PLCG2: variants seen among roughly 807,000 people sequenced by gnomAD.
The protein encoded by PLCG2 is 1-phosphatidylinositol 4,5-bisphosphate phosphodiesterase gamma-2.
A neutral mutation model predicts 175.6 loss-of-function variants in PLCG2; 69 were observed. That is an observed-to-expected ratio of 0.39 (90% CI 0.32 to 0.48). PLCG2 has a LOEUF of 0.48. Ranked by LOEUF, PLCG2 falls within the 20% of genes least tolerant of loss-of-function variation. PLCG2 has a pLI of 0.91. For synonymous variants in PLCG2, 827 were observed against 624.0 expected (o/e 1.33, Z -4.85); for missense variants, 1,798 against 1,650.9 (o/e 1.09, Z -1.54).
intron 6 of PLCG2, among the ~76,000 whole-genome samples, chr16:81,869,930 C>G (rs373231841): frequency 5.9e-5 from 9 of 152,302 alleles, no homozygotes; most frequent in African/African-American, 2.2e-4. Context: ...AGGAAATGAG[C>G]AACCCTGCAT....
chr16:81,816,651 A>ACCT (rs1555509092), intron 2 of PLCG2, among the ~76,000 whole-genome samples: 1 of 108,856 alleles, frequency 9.2e-6, no homozygotes. Flanking sequence ...GCTAATTTTA[A>ACCT]TTTTTTTTTT....
intron 2 of PLCG2, among the ~76,000 whole-genome samples, chr16:81,809,793 T>A (rs1309676291): frequency 7.9e-6 from 1 of 126,752 alleles, no homozygotes; most frequent in Non-Finnish European, 1.6e-5. Flanking sequence ...GTCCCAGTTA[T>A]TGCTGCCCTC....
At chr16:81,952,034 G>A (rs1181617831) in intron 31 of PLCG2, among the ~76,000 whole-genome samples, 1 of 152,100 alleles carries the variant, frequency 6.6e-6, no homozygotes, top group Non-Finnish European at 1.5e-5. Flanking sequence ...CAGAAATGTG[G>A]TGTGGGAGGA....
At chr16:81,912,896 G>A (rs1438126045) in intron 19 of PLCG2, among the ~76,000 whole-genome samples, 180 bp downstream of exon 19, 1 of 152,266 alleles carries the variant, frequency 6.6e-6, no homozygotes. Flanking sequence ...TGCGTGCCAG[G>A]CACAGTCTGC....
chr16:81,879,818 T>A (rs1404808506), intron 7 of PLCG2, among the ~76,000 whole-genome samples: 1 of 152,096 alleles, frequency 6.6e-6, no homozygotes, highest in Non-Finnish European at 1.5e-5. Flanking sequence ...GGAGGGGTGC[T>A]CCATGGCGCC....
intron 2 of PLCG2, among the ~76,000 whole-genome samples, chr16:81,804,735 TTCCTAACTG>T (rs1911913405): frequency 6.6e-6 from 1 of 152,212 alleles, no homozygotes; most frequent in African/African-American, 2.4e-5. Context: ...GAAATGCTTC[TTCCTAACTG>T]TCCACTTTGA....
chr16:81,955,717 G>A (rs557115730), intron 31 of PLCG2, among the ~76,000 whole-genome samples: 87 of 152,286 alleles, frequency 5.7e-4, no homozygotes, highest in African/African-American at 2.0e-3. Flanking sequence ...CCCAAGAAAA[G>A]AAACTCTACC....
chr16:81,882,455 T>A (rs988669781), intron 8 of PLCG2, among the ~76,000 whole-genome samples: 1 of 152,084 alleles, frequency 6.6e-6, no homozygotes, highest in Non-Finnish European at 1.5e-5. Flanking sequence ...GAACTCTGGA[T>A]CGTGGCTTCT....
chr16:81,804,914 A>G (rs1911922661), intron 2 of PLCG2, among the ~76,000 whole-genome samples: 1 of 152,198 alleles, frequency 6.6e-6, no homozygotes. Flanking sequence ...GGGCACTACA[A>G]GCTCACATGT....
At chr16:81,827,415 C>A (rs151157588) in intron 2 of PLCG2, among the ~76,000 whole-genome samples, 3 of 152,000 alleles carry the variant, frequency 2.0e-5, no homozygotes, top group Non-Finnish European at 4.4e-5. Flanking sequence ...TCTCGAACTC[C>A]TAGGCTCAAG....
At chr16:81,752,694 A>G (rs1228008389) in intron 1 of PLCG2, among the ~76,000 whole-genome samples, 2 of 152,168 alleles carry the variant, frequency 1.3e-5, no homozygotes, top group South Asian at 4.1e-4. Context: ...GCTTCCAGCA[A>G]CTTCCATGAA....
At chr16:81,881,014 A>T (rs41305761) in intron 8 of PLCG2, 61 bp downstream of exon 8, 24 of 1,544,748 alleles carry the variant, frequency 1.6e-5, no homozygotes, top group Non-Finnish European at 2.1e-5. Flanking sequence ...CCTGGTGCCC[A>T]GCCGGCCTCC....
At chr16:81,777,512 C>G (rs1475080488), upstream of PLCG2, among the ~76,000 whole-genome samples, 7 of 151,176 alleles carry the variant, frequency 4.6e-5, no homozygotes, top group Admixed American at 4.6e-4. Flanking sequence ...GGAATTGGCC[C>G]AATGACTTCA....
At chr16:81,934,606 AG>A (rs1597142410) in intron 26 of PLCG2, 75 bp downstream of exon 26, 1 of 900,186 alleles carries the variant, frequency 1.1e-6, no homozygotes, top group Non-Finnish European at 1.8e-6. Context: ...ATATTTTCAG[AG>A]GGGGCAGAGA....
intron 1 of PLCG2, among the ~76,000 whole-genome samples, chr16:81,752,972 C>T (rs1193695810): frequency 6.6e-6 from 1 of 152,254 alleles, no homozygotes; most frequent in African/African-American, 2.4e-5. Flanking sequence ...GGAGACCAAC[C>T]ACGGTACTTC....
chr16:81,774,690 G>A (rs769706847), upstream of PLCG2, among the ~76,000 whole-genome samples: 1 of 152,240 alleles, frequency 6.6e-6, no homozygotes, highest in African/African-American at 2.4e-5. Flanking sequence ...GCCTTTGGAG[G>A]TGGTGGTGGA....
rs1175008948 is a variant in PLCG2, at chr16:81,854,483, A to C, written c.233A>C (p.Asn78Thr). Residue 78 changes from asparagine (N) to threonine (T), a missense_variant, in exon 3 of 33, where the codon AAC becomes ACC. By Grantham distance (65) the Asn-to-Thr change is moderately conservative. Transcript: ENST00000564138. Reference protein sequence around the residue: ...MEIKEIRPGKNSKDFERAKAV... With the variant: ...MEIKEIRPGKTSKDFERAKAV... ...ATAAAAGAAATCCGCCCAGGGAAGAACTCCAAAGATTTCGAGCGAGCAAAA... is the reference window on the plus strand; with the variant it reads ...ATAAAAGAAATCCGCCCAGGGAAGACCTCCAAAGATTTCGAGCGAGCAAAA... 6.2e-7 allele frequency: 1 copy of C among 1,614,044 alleles called. No individual in the cohort carries two copies.
intron 2 of PLCG2, among the ~76,000 whole-genome samples, chr16:81,824,004 TTTTCC>T (rs71146048): frequency 3.1e-3 from 270 of 85,864 alleles, no homozygotes; most frequent in Middle Eastern, 0.025. Context: ...TTCTTTTTCT[TTTTCC>T]TTTCCTTTCC....
chr16:81,946,143 G>T (rs759919683), intron 30 of PLCG2, 32 bp from the exon 31 acceptor site: 15 of 1,544,176 alleles, frequency 9.7e-6, no homozygotes, highest in South Asian at 2.2e-5. Flanking sequence ...TTAATTACCT[G>T]CCTTTGCATT....
Sources: gnomAD v4.1 joint callset for allele counts (sites outside exome capture counted in the v4.1 genomes callset) on GRCh38, gnomAD v4.1.1 for gene constraint, MANE v1.5 for transcripts, NCBI Gene and HGNC (gene_info 2026-07-23, HGNC 2026-07-21) for gene names.